The following RTL4 variants were observed in gnomAD, a reference collection of about 807,000 sequenced individuals.
The protein encoded by RTL4 is retrotransposon Gag-like protein 4.
RTL4 carries 4 observed loss-of-function variants against 5.3 expected under a neutral mutation model. The ratio of observed to expected loss-of-function variants is 0.75; its 90% confidence interval spans 0.37 to 1.72. RTL4 has a LOEUF of 1.72. Among genes scored for constraint, RTL4 ranks in the 40% most tolerant of loss-of-function variants. The probability of loss-of-function intolerance (pLI) is 0.04; values close to 1 mark genes in which losing one functional copy is unlikely to be tolerated. For synonymous variants in RTL4, 98 were observed against 87.3 expected (o/e 1.12, Z -0.68); for missense variants, 260 against 227.1 (o/e 1.14, Z -0.93).
At chrX:112,230,687 A>C in the RTL4 span, among the ~76,000 whole-genome samples, 1 of 112,274 alleles carries the variant, frequency 8.9e-6, no homozygotes, top group Non-Finnish European at 1.9e-5. Flanking sequence ...CATGTCTAAA[A>C]CACCAAAAGC....
the RTL4 span, among the ~76,000 whole-genome samples, chrX:112,103,742 TTTA>T: frequency 5.4e-5 from 6 of 110,192 alleles, no homozygotes; most frequent in East Asian, 2.8e-4. Context: ...TAGGAAATAT[TTTA>T]TTATTATTTA....
the RTL4 span, among the ~76,000 whole-genome samples, chrX:112,122,264 AT>A: frequency 9.0e-6 from 1 of 111,694 alleles, no homozygotes; most frequent in Non-Finnish European, 1.9e-5. Context: ...AAATAATGAG[AT>A]CCTGTTATTT....
the RTL4 span, among the ~76,000 whole-genome samples, chrX:112,303,691 G>C: frequency 1.0e-4 from 10 of 97,134 alleles, no homozygotes; most frequent in East Asian, 3.2e-3. Flanking sequence ...ACACCAGCAT[G>C]GCACATGTAT....
At chrX:112,144,369 C>T in the RTL4 span, among the ~76,000 whole-genome samples, 5 of 111,549 alleles carry the variant, frequency 4.5e-5, no homozygotes, top group Non-Finnish European at 7.5e-5. Context: ...CTGGAAGGCT[C>T]GTTAAAACAC....
the RTL4 span, among the ~76,000 whole-genome samples, chrX:112,309,704 C>T: frequency 6.3e-3 from 685 of 108,539 alleles, 3 homozygotes; most frequent in African/African-American, 0.022. Flanking sequence ...ATGTCTTGAA[C>T]TCCTGACCTC....
the RTL4 span, among the ~76,000 whole-genome samples, chrX:112,427,801 G>A: frequency 9.1e-6 from 1 of 109,919 alleles, no homozygotes; most frequent in Non-Finnish European, 1.9e-5. Flanking sequence ...AGTTTCTGTG[G>A]TACAGGTGGT....
At chrX:112,396,490 G>A in the RTL4 span, among the ~76,000 whole-genome samples, 3 of 110,966 alleles carry the variant, frequency 2.7e-5, no homozygotes, top group Middle Eastern at 4.6e-3. Context: ...TGTTGTGGGG[G>A]TGGTGATAAT....
the RTL4 span, among the ~76,000 whole-genome samples, chrX:112,116,346 G>C: frequency 9.0e-6 from 1 of 111,135 alleles, no homozygotes; most frequent in African/African-American, 3.3e-5. Context: ...CCTTCGCAGT[G>C]AGTGTTACAG....
the RTL4 span, among the ~76,000 whole-genome samples, chrX:112,095,842 G>A: frequency 8.9e-6 from 1 of 111,810 alleles, no homozygotes; most frequent in African/African-American, 3.2e-5. Context: ...GCATTGGCTG[G>A]ATTATCTATA....
the RTL4 span, among the ~76,000 whole-genome samples, chrX:112,273,295 C>T: frequency 0.066 from 7,078 of 107,857 alleles, 566 homozygotes; most frequent in African/African-American, 0.23. Context: ...CCTCTGTTGC[C>T]CAGGCTGGAG....
At chrX:112,347,551 T>C in the RTL4 span, among the ~76,000 whole-genome samples, 2 of 111,602 alleles carry the variant, frequency 1.8e-5, no homozygotes, top group Non-Finnish European at 3.8e-5. Context: ...TGGACTGAGA[T>C]ACAATCAAGA....
At chrX:112,252,119 T>C in the RTL4 span, among the ~76,000 whole-genome samples, 6 of 111,949 alleles carry the variant, frequency 5.4e-5, no homozygotes, top group Non-Finnish European at 9.4e-5. Flanking sequence ...CATCTCTCAG[T>C]GAAATTAAAT....
the RTL4 span, among the ~76,000 whole-genome samples, chrX:112,215,632 T>C: frequency 4.4e-5 from 5 of 112,379 alleles, no homozygotes; most frequent in Non-Finnish European, 9.4e-5. Context: ...ATTTCATTCT[T>C]TTTTAAGGCT....
At chrX:112,180,228 A>C in the RTL4 span, among the ~76,000 whole-genome samples, 1 of 111,431 alleles carries the variant, frequency 9.0e-6, no homozygotes, top group East Asian at 2.8e-4. Context: ...AAAGCAAAAA[A>C]TCTTAAAATT....
chrX:112,207,937 G>A, the RTL4 span, among the ~76,000 whole-genome samples: 6 of 110,684 alleles, frequency 5.4e-5, no homozygotes. Context: ...TTTAACAGTA[G>A]TAATGGACAC....
At chrX:112,339,842 C>T in the RTL4 span, among the ~76,000 whole-genome samples, 1 of 112,606 alleles carries the variant, frequency 8.9e-6, no homozygotes, top group African/African-American at 3.2e-5. Context: ...ACATTTTAGG[C>T]TTTGTAGGAT....
the RTL4 span, among the ~76,000 whole-genome samples, chrX:112,241,096 CTT>C: frequency 9.0e-6 from 1 of 111,295 alleles, no homozygotes; most frequent in African/African-American, 3.3e-5. Context: ...GGTTCCAAGT[CTT>C]TGCTATTGTG....
chrX:112,273,443 G>A, the RTL4 span, among the ~76,000 whole-genome samples: 19 of 110,618 alleles, frequency 1.7e-4, no homozygotes, highest in African/African-American at 4.6e-4. Context: ...TAGTAGAGAC[G>A]GTGTTTCACC....
chrX:112,117,936 G>A, the RTL4 span, among the ~76,000 whole-genome samples: 22 of 111,385 alleles, frequency 2.0e-4, no homozygotes, highest in African/African-American at 6.8e-4. Flanking sequence ...AACAACCTAA[G>A]TGTGCAGCAG....
Sources: allele counts gnomAD v4.1 joint callset (sites outside exome capture counted in the v4.1 genomes callset), GRCh38; gene constraint gnomAD v4.1.1; transcripts MANE v1.5; gene names NCBI Gene and HGNC (gene_info 2026-07-23, HGNC 2026-07-21).